KAZN: variants seen among roughly 807,000 people sequenced by gnomAD.
KAZN encodes kazrin, periplakin interacting protein, also known as kazrin.
A neutral mutation model predicts 87.4 loss-of-function variants in KAZN; 40 were observed. The observed-to-expected ratio is 0.46, with a 90% CI of 0.36 to 0.60. The LOEUF is 0.60. KAZN is among the 20% of genes least tolerant of loss of function. The pLI, the probability that KAZN is intolerant of heterozygous loss-of-function variation, is 0.00. For synonymous variants in KAZN, 466 were observed against 458.3 expected (o/e 1.02, Z -0.22); for missense variants, 898 against 1,073.9 (o/e 0.84, Z 2.29).
chr1:14,891,272 C>A (rs1157093903), intron 1 of KAZN, among the ~76,000 whole-genome samples: 1 of 152,094 alleles, frequency 6.6e-6, no homozygotes, highest in African/African-American at 2.4e-5. Flanking sequence ...TAGCAGTATA[C>A]GCTGAACCCA....
chr1:14,589,931 G>A (rs1676092299), intron 2 of KAZN, among the ~76,000 whole-genome samples: 3 of 152,088 alleles, frequency 2.0e-5, no homozygotes, highest in Admixed American at 1.3e-4. Context: ...AAGAATGGGG[G>A]CCTGAGTAGA....
intron 2 of KAZN, among the ~76,000 whole-genome samples, chr1:15,030,728 T>A (rs1557733346): frequency 6.6e-6 from 1 of 151,722 alleles, no homozygotes; most frequent in Non-Finnish European, 1.5e-5. Context: ...AGCAGAAGAG[T>A]CCTCTTTCCA....
At chr1:14,736,254 GGTGTGTGTGTGTGTGTGTGTGT>G (rs528070001) in intron 1 of KAZN, among the ~76,000 whole-genome samples, 70 of 115,312 alleles carry the variant, frequency 6.1e-4, no homozygotes, top group Non-Finnish European at 9.5e-4. Context: ...GGGACTCAAG[GGTGTGTGTGTGTGTGTGTGTGT>G]GTGTGTGTGT....
chr1:13,947,377 G>A (rs1277191273), intron 1 of KAZN, among the ~76,000 whole-genome samples: 3 of 152,146 alleles, frequency 2.0e-5, no homozygotes, highest in Non-Finnish European at 2.9e-5. Flanking sequence ...TCTCACTCAT[G>A]AGAACAGCAT....
At chr1:14,486,130 T>G (rs1669341216) in intron 2 of KAZN, among the ~76,000 whole-genome samples, 1 of 152,180 alleles carries the variant, frequency 6.6e-6, no homozygotes, top group African/African-American at 2.4e-5. Context: ...TCGCCTGCCC[T>G]GCATCATTTA....
At chr1:14,480,444 A>T (rs1252165017) in intron 2 of KAZN, among the ~76,000 whole-genome samples, 1 of 151,972 alleles carries the variant, frequency 6.6e-6, no homozygotes, top group African/African-American at 2.4e-5. Flanking sequence ...TGATGACAAT[A>T]AGATGTACTA....
chr1:14,281,392 G>A (rs1652830003), intron 2 of KAZN, among the ~76,000 whole-genome samples: 1 of 152,224 alleles, frequency 6.6e-6, no homozygotes, highest in Non-Finnish European at 1.5e-5. Flanking sequence ...GCAGCCATCT[G>A]ACTTTAAACA....
chr1:13,983,665 C>T (rs539489943), intron 1 of KAZN, among the ~76,000 whole-genome samples: 28 of 152,342 alleles, frequency 1.8e-4, no homozygotes, highest in African/African-American at 5.8e-4. Context: ...TGGGAGCCTA[C>T]GCAGAGGAGG....
chr1:14,539,924 C>G (rs972255571), intron 2 of KAZN, among the ~76,000 whole-genome samples: 2 of 152,198 alleles, frequency 1.3e-5, no homozygotes, highest in African/African-American at 4.8e-5. Flanking sequence ...TTCCTGATCT[C>G]AATGACATGT....
chr1:14,839,982 C>T (rs1469036274), intron 1 of KAZN, among the ~76,000 whole-genome samples: 1 of 152,116 alleles, frequency 6.6e-6, no homozygotes, highest in Non-Finnish European at 1.5e-5. Flanking sequence ...CAGTACCTTG[C>T]CTGTCCCTCT....
At chr1:14,975,039 T>C (rs1022985150) in intron 2 of KAZN, among the ~76,000 whole-genome samples, 5 of 152,342 alleles carry the variant, frequency 3.3e-5, no homozygotes, top group African/African-American at 1.2e-4. Flanking sequence ...GTAAGTCACA[T>C]CAGTGGGGTG....
At chr1:14,049,476 C>A (rs976184422) in intron 1 of KAZN, among the ~76,000 whole-genome samples, 6 of 152,000 alleles carry the variant, frequency 3.9e-5, no homozygotes, top group African/African-American at 1.4e-4. Context: ...TTAAAACAAA[C>A]AAACAAAAAA....
chr1:14,112,501 C>A (rs1644521620), intron 1 of KAZN, among the ~76,000 whole-genome samples: 1 of 152,186 alleles, frequency 6.6e-6, no homozygotes, highest in South Asian at 2.1e-4. Context: ...TTGTTGGGAG[C>A]ATGGCAGACA....
intron 1 of KAZN, among the ~76,000 whole-genome samples, chr1:14,148,540 G>T (rs1013728307): frequency 6.6e-6 from 1 of 152,070 alleles, no homozygotes; most frequent in African/African-American, 2.4e-5. Flanking sequence ...ATAAAATGTA[G>T]TCTGGAATCT....
At chr1:14,138,776 A>T (rs115141633) in intron 1 of KAZN, among the ~76,000 whole-genome samples, 117 of 152,288 alleles carry the variant, frequency 7.7e-4, no homozygotes, top group Non-Finnish European at 1.5e-3. Context: ...TTTTCCAGGC[A>T]TCTCGACTCC....
At chr1:14,245,485 C>T (rs1649413763) in intron 2 of KAZN, among the ~76,000 whole-genome samples, 1 of 151,982 alleles carries the variant, frequency 6.6e-6, no homozygotes, top group Admixed American at 6.6e-5. Flanking sequence ...TTAGCTGGTC[C>T]TGAATTAAAC....
intron 2 of KAZN, among the ~76,000 whole-genome samples, chr1:15,003,228 T>A (rs184924521): frequency 6.6e-6 from 1 of 152,090 alleles, no homozygotes; most frequent in South Asian, 2.1e-4. Context: ...GCTTTCCAGG[T>A]GGGATAATGC....
In KAZN at chr1:14,531,560, G is replaced by A. The variant is rs145182727; in HGVS notation, c.250-67423G>A. On this transcript the variant is annotated intron_variant, in intron 2 of 16. Transcript: ENST00000636203. The stretch of plus-strand genomic sequence containing the variant: ...GTGTAGAATGTGGGGAAGGACTAGA[G>A]GGGCTTGGGGATTGTGGGGTTGGGA... 6.9e-3 allele frequency among the ~76,000 whole-genome samples: 1,051 copies of A among 152,194 alleles called. 6 individuals are homozygous for A. Among genetic ancestry groups the A allele is most frequent in the Non-Finnish European group, 9.5e-3 (645 of 68,002 alleles).
intron 1 of KAZN, among the ~76,000 whole-genome samples, chr1:14,060,960 G>A (rs1416125427): frequency 2.6e-5 from 4 of 152,192 alleles, no homozygotes; most frequent in Admixed American, 1.3e-4. Context: ...CTGGAGACTT[G>A]GGGTCAAGAC....
Sources: allele counts gnomAD v4.1 joint callset (sites outside exome capture counted in the v4.1 genomes callset), GRCh38; gene constraint gnomAD v4.1.1; transcripts MANE v1.5; gene names NCBI Gene and HGNC (gene_info 2026-07-23, HGNC 2026-07-21).